Variants in SBNO2 observed in about 807,000 individuals in gnomAD.
SBNO2 encodes the protein protein strawberry notch homolog 2.
Under a neutral mutation model 146.3 loss-of-function variants are expected in SBNO2, and 89 were observed. The observed-to-expected ratio is 0.61, with a 90% CI of 0.51 to 0.73. The LOEUF is 0.73. SBNO2 is among the 30% of genes least tolerant of loss of function. The pLI is 0.00. For missense variants in SBNO2, 2,092 were observed against 2,003.7 expected (o/e 1.04, Z -0.84); for synonymous variants, 1,147 against 892.6 (o/e 1.29, Z -5.08).
At chr19:1,138,549 C>T (rs2080105962) in intron 4 of SBNO2, among the ~76,000 whole-genome samples, 1 of 152,058 alleles carries the variant, frequency 6.6e-6, no homozygotes, top group South Asian at 2.1e-4. Context: ...AACGTGTCCA[C>T]TGGGAAGTTT....
At chr19:1,147,184 G>A (rs1252284530) in intron 4 of SBNO2, 125 bp downstream of exon 4, 4 of 646,196 alleles carry the variant, frequency 6.2e-6, no homozygotes, top group South Asian at 1.9e-5. Flanking sequence ...CCCTGCGGCC[G>A]AGGGGCCAAG....
intron 1 of SBNO2, among the ~76,000 whole-genome samples, chr19:1,160,197 G>A (rs1017119862): frequency 6.6e-6 from 1 of 152,190 alleles, no homozygotes; most frequent in African/African-American, 2.4e-5. Context: ...GGAAGGGCTG[G>A]GCCTGGCAGA....
At position 1,120,140 on chromosome 19, in the gene SBNO2, G is replaced by T; in HGVS notation, c.1150-117C>A. ...GGGGGGCAAACGCCTGTGCGGCTGA[G>T]AACTCCACGAGGGAAGCCCAGGTCG... On this transcript the variant is annotated intron_variant, in intron 11 of 31. Transcript: ENST00000361757. 1.1e-5 allele frequency: 9 copies of T among 791,904 alleles called. No homozygotes were observed. In the South Asian group the frequency reaches 1.5e-4, roughly 13 times the overall value. 49.1% of individuals were successfully genotyped at this position (791,904 alleles called of 1,614,324 possible).
chr19:1,115,882 T>G (rs780596287), intron 17 of SBNO2, 139 bp downstream of exon 17: 1 of 742,700 alleles, frequency 1.3e-6, no homozygotes, highest in Non-Finnish European at 2.4e-6. Context: ...AGCGGAGCCT[T>G]GAGCCTGCCT....
Position 1,108,129 on chromosome 19 carries a change from G to A in SBNO2, c.*91C>T, listed in dbSNP as rs984496888. On this transcript the variant is annotated 3_prime_UTR_variant, in exon 32 of 32. Transcript: ENST00000361757. Reference sequence around the variant, plus strand: ...CCAGGGCCTAGGGCTCCTCTGAGCAGTGGTCAGGGGACCTTGGCCCTGCTC... The same window carrying A: ...CCAGGGCCTAGGGCTCCTCTGAGCAATGGTCAGGGGACCTTGGCCCTGCTC... The A allele has an allele frequency of 3.8e-6, 5 of 1,331,920 alleles. No homozygotes were observed. The African/African-American group carries it at 6.3e-5, about 17-fold the overall frequency. The allele number at this position is 1,331,920 out of a possible 1,614,324, so 82.5% of individuals were successfully genotyped here. A position where few individuals can be genotyped will look rare whatever the true frequency, so the allele number is the denominator to read the frequency against.
chr19:1,123,786 G>A, intron 6 of SBNO2, 147 bp from the exon 7 acceptor site: 1 of 1,066,678 alleles, frequency 9.4e-7, no homozygotes, highest in South Asian at 1.5e-5. Context: ...GCAGCAAGGT[G>A]CTCCCCCAGG....
rs1490145732 is a variant in SBNO2 at position 1,109,754 on chromosome 19, T to A, written c.3052A>T (p.Ile1018Phe). ...AACACCTGCTGGCTCTCCTCGTAGA[T>A]CTCCTCGATACCGGGAGCAAGGTCT... ...ILDLAPGIEE[I>F]YEESQQVFLA... is the part of the protein sequence containing the mutation. The change falls in exon 27 of 32, where the codon ATC (isoleucine) becomes TTC (phenylalanine). Residue 1018 changes from isoleucine (I) to phenylalanine (F), a missense_variant. Physicochemically the swap from Ile to Phe is conservative, Grantham distance 21. Coordinates refer to ENST00000361757, the MANE Select transcript of SBNO2 (RefSeq NM_014963.3). This position sits in a 1 kb window ranked among gnomAD's most constrained non-coding sequence, Gnocchi z 4.2. 6.7e-7 allele frequency: 1 copy of A among 1,481,638 alleles called. No homozygotes were observed. The highest frequency in any genetic ancestry group is 9.1e-7 in the Non-Finnish European group (1 of 1,099,708). 91.8% of individuals were successfully genotyped at this position (1,481,638 alleles called of 1,614,324 possible).
In SBNO2 at chr19:1,108,225, G is replaced by A. The variant is rs1296715260; in HGVS notation, c.4096C>T (p.Leu1366Phe). The change falls in exon 32 of 32, where the codon CTC becomes TTC. Residue 1366 changes from leucine (L) to phenylalanine (F), a missense_variant. Coordinates refer to ENST00000361757, the MANE Select transcript of SBNO2 (RefSeq NM_014963.3). ...SPPFPGAQAP[L>F] The stretch of plus-strand genomic sequence containing the variant: ...ATGTTTCGCCTAAAGGCGTGTCAGA[G>A]AGGAGCCTGGGCGCCGGGGAAGGGT... 4.5e-5 allele frequency: 68 copies of A among 1,527,568 alleles called. No individual in the cohort carries two copies. The highest frequency in any genetic ancestry group is 5.6e-5 in the Non-Finnish European group (64 of 1,135,436). 94.6% of individuals were successfully genotyped at this position (1,527,568 alleles called of 1,614,324 possible).
At position 1,113,698 on chromosome 19, in the gene SBNO2, A is replaced by C. The variant is rs752414787; in HGVS notation, c.2084T>G (p.Leu695Arg). ...ATGCGGGTCTCTCTGCAGGAGGCACAGGGGTCCTAGGGAGGAGGTGGAGGG... is the reference window on the plus strand; with the variant it reads ...ATGCGGGTCTCTCTGCAGGAGGCACCGGGGTCCTAGGGAGGAGGTGGAGGG... ...VGLPSDDRGP[L>R]CLLQRDPHGP... The change falls in exon 19 of 32, where the codon CTG (leucine) becomes CGG (arginine). Residue 695 changes from leucine to arginine, a missense_variant. Leu to Arg is a moderately radical substitution (Grantham distance 102). Transcript: ENST00000361757. The C allele has an allele frequency of 3.2e-6, 5 of 1,551,080 alleles. No homozygotes were observed. In the African/African-American group the frequency reaches 7.1e-5, roughly 22 times the overall value.
chr19:1,161,707 G>A (rs916002527), intron 1 of SBNO2, among the ~76,000 whole-genome samples: 3 of 151,922 alleles, frequency 2.0e-5, no homozygotes, highest in Non-Finnish European at 2.9e-5. Flanking sequence ...CTCTCCTCTT[G>A]AAATTTTCTA....
chr19:1,120,411 C>T (rs1177712664), intron 11 of SBNO2, among the ~76,000 whole-genome samples: 2 of 152,172 alleles, frequency 1.3e-5, no homozygotes, highest in African/African-American at 4.8e-5. Context: ...CTGTCACCCA[C>T]GCTGGAGTGC....
At chr19:1,124,193 G>A (rs2079938925) in intron 5 of SBNO2, 171 bp from the exon 6 acceptor site, 6 of 676,996 alleles carry the variant, frequency 8.9e-6, no homozygotes, top group Non-Finnish European at 1.3e-5. Flanking sequence ...GGTGACCCTG[G>A]TGCCTCCCAA....
At position 1,109,533 on chromosome 19, in the gene SBNO2, G is replaced by T; in HGVS notation, c.3189C>A (p.Pro1063=). The change falls in exon 28 of 32, where the codon CCC becomes CCA. Residue 1063 remains proline (P), a synonymous_variant. Coordinates refer to ENST00000361757, the MANE Select transcript of SBNO2 (RefSeq NM_014963.3). The surrounding 1 kb of genome is among the most constrained non-coding windows in gnomAD (Gnocchi z 4.2). ...AFAKSLALTG[P]YDGFYLSYKV... is the part of the protein sequence containing the mutation. ...TGTAGGAGAGGTAGAAGCCGTCATA[G>T]GGGCCCGTCAGCGCCAGCGACTTGG... The T allele has an allele frequency of 6.2e-7, 1 of 1,601,324 alleles. No individual in the cohort carries two copies. Among genetic ancestry groups the T allele is most frequent in the South Asian group, 1.1e-5 (1 of 89,244 alleles).
At position 1,154,173 on chromosome 19, in the gene SBNO2, G is replaced by C. The variant is rs992842582; in HGVS notation, c.93+11C>G. 5.0e-6 allele frequency: 6 copies of C among 1,201,990 alleles called. No individual in the cohort carries two copies. Among genetic ancestry groups the C allele is most frequent in the Non-Finnish European group, 6.3e-6 (6 of 959,042 alleles). The allele number at this position is 1,201,990 out of a possible 1,614,324, so 74.5% of individuals were successfully genotyped here. On this transcript the variant is annotated intron_variant, in intron 2 of 31. Coordinates refer to ENST00000361757, the MANE Select transcript of SBNO2 (RefSeq NM_014963.3). The stretch of plus-strand genomic sequence containing the variant: ...CCCGTCGGGTGGGCCGGGGCCGGGG[G>C]TGGGGCTCACCTGCAGGGGCGGCGG...
intron 1 of SBNO2, among the ~76,000 whole-genome samples, chr19:1,160,691 C>T (rs1027227628): frequency 1.3e-5 from 2 of 152,066 alleles, no homozygotes; most frequent in Non-Finnish European, 2.9e-5. Flanking sequence ...CACCACGGCC[C>T]GGATAATTTG....
At chr19:1,139,118 CA>C (rs1056727278) in intron 4 of SBNO2, among the ~76,000 whole-genome samples, 1 of 152,244 alleles carries the variant, frequency 6.6e-6, no homozygotes, top group Non-Finnish European at 1.5e-5. Flanking sequence ...CATGGACAAA[CA>C]AGGTGGGGCC....
At chr19:1,149,896 C>A (rs2080226944) in intron 2 of SBNO2, among the ~76,000 whole-genome samples, 1 of 152,172 alleles carries the variant, frequency 6.6e-6, no homozygotes, top group Non-Finnish European at 1.5e-5. Flanking sequence ...GCTCCTCGGG[C>A]AGGGCCTGGG....
chr19:1,171,648 C>G (rs933923534), intron 1 of SBNO2, among the ~76,000 whole-genome samples: 1 of 152,182 alleles, frequency 6.6e-6, no homozygotes, highest in Non-Finnish European at 1.5e-5. Context: ...TTGGCGTTTC[C>G]GCATGGGCCC....
chr19:1,149,576 G>A (rs975567317), intron 2 of SBNO2, 134 bp from the exon 3 acceptor site: 1 of 747,692 alleles, frequency 1.3e-6, no homozygotes, highest in Non-Finnish European at 2.2e-6. Flanking sequence ...CGCCCCTGCT[G>A]GTATCTCCTG....
Sources: gnomAD v4.1 joint callset for allele counts (sites outside exome capture counted in the v4.1 genomes callset) on GRCh38, gnomAD v4.1.1 for gene constraint, Gnocchi (gnomAD v3.1) non-coding constraint, MANE v1.5 for transcripts, NCBI Gene and HGNC (gene_info 2026-07-23, HGNC 2026-07-21) for gene names.